The following LIMA1 variants were observed in gnomAD, a reference collection of about 807,000 sequenced individuals.
LIMA1 encodes the protein LIM domain and actin-binding protein 1.
In LIMA1, 52 loss-of-function variants were observed where a neutral mutation model predicts 62.6. The ratio of observed to expected loss-of-function variants is 0.83; its 90% CI spans 0.67 to 1.05. The LOEUF is 1.05. Among genes scored for constraint, LIMA1 ranks in the 50% least tolerant of loss-of-function variants. LIMA1 has a pLI of 0.00. For missense variants in LIMA1, 780 were observed against 902.2 expected (o/e 0.86, Z 1.74); for synonymous variants, 302 against 317.8 (o/e 0.95, Z 0.53).
chr12:50,278,101 C>T (rs1490638828), intron 1 of LIMA1, among the ~76,000 whole-genome samples: 2 of 151,932 alleles, frequency 1.3e-5, no homozygotes, highest in East Asian at 3.9e-4. Flanking sequence ...CAGGGTGAAA[C>T]CCTGTCTCTA....
At chr12:50,182,139 G>C (rs756456252) in intron 9 of LIMA1, 102 bp from the exon 10 acceptor site, 131 of 1,287,254 alleles carry the variant, frequency 1.0e-4, no homozygotes, top group Non-Finnish European at 1.4e-4. Flanking sequence ...CCCTTAGCTG[G>C]TCAGTCAATT....
At chr12:50,242,180 G>A (rs921971339) in intron 2 of LIMA1, among the ~76,000 whole-genome samples, 1 of 151,342 alleles carries the variant, frequency 6.6e-6, no homozygotes, top group Non-Finnish European at 1.5e-5. Context: ...GGAATGCTGA[G>A]CCAAAAAGGG....
At chr12:50,277,445 T>C (rs1216971326) in intron 1 of LIMA1, among the ~76,000 whole-genome samples, 1 of 152,132 alleles carries the variant, frequency 6.6e-6, no homozygotes, top group African/African-American at 2.4e-5. Context: ...TTCCAGAATG[T>C]CTAGTGAACA....
chr12:50,239,835 A>G (rs1035473068), intron 2 of LIMA1, among the ~76,000 whole-genome samples: 1 of 151,610 alleles, frequency 6.6e-6, no homozygotes, highest in African/African-American at 2.4e-5. Context: ...ATCTCTTAAA[A>G]AAAAAATAAC....
At chr12:50,194,980 G>A (rs1940897230) in intron 8 of LIMA1, among the ~76,000 whole-genome samples, 2 of 152,006 alleles carry the variant, frequency 1.3e-5, no homozygotes, top group South Asian at 4.2e-4. Context: ...CCTGGGAGGG[G>A]GAGGTTACAG....
At chr12:50,269,921 A>AT (rs1491367993) in intron 1 of LIMA1, among the ~76,000 whole-genome samples, 19 of 130,014 alleles carry the variant, frequency 1.5e-4, no homozygotes, top group African/African-American at 4.8e-4. Flanking sequence ...ACTCCGTCAA[A>AT]TAAAAAAAAA....
At chr12:50,216,000 G>A (rs1448726382) in intron 4 of LIMA1, among the ~76,000 whole-genome samples, 3 of 151,178 alleles carry the variant, frequency 2.0e-5, no homozygotes, top group South Asian at 2.1e-4. Context: ...CTGAGATGGT[G>A]CCACTGCACT....
intron 9 of LIMA1, among the ~76,000 whole-genome samples, chr12:50,184,992 C>T (rs941456305): frequency 4.6e-5 from 7 of 152,012 alleles, no homozygotes; most frequent in East Asian, 3.9e-4. Flanking sequence ...CCACCACACT[C>T]GGCTAATTTT....
At chr12:50,214,412 A>C (rs1941308931) in intron 4 of LIMA1, among the ~76,000 whole-genome samples, 2 of 152,260 alleles carry the variant, frequency 1.3e-5, no homozygotes, top group African/African-American at 4.8e-5. Context: ...CAAATTAAAG[A>C]TATACTCCCC....
intron 3 of LIMA1, among the ~76,000 whole-genome samples, chr12:50,228,302 C>T (rs556467086): frequency 3.3e-5 from 5 of 152,250 alleles, no homozygotes; most frequent in African/African-American, 1.2e-4. Context: ...TGTCTATACT[C>T]GTGGGGTCAA....
intron 8 of LIMA1, among the ~76,000 whole-genome samples, chr12:50,193,582 C>CATACATATATATCATAT (rs1565833273): frequency 1.0e-5 from 1 of 98,292 alleles, no homozygotes; most frequent in African/African-American, 4.3e-5. Flanking sequence ...TATATATATA[C>CATACATATATATCATAT]ATGTATATAT....
rs565878967 is a variant in LIMA1, at chr12:50,176,933, C to A, written c.*131G>T. Reference sequence around the variant, plus strand: ...TTGTTTTTGATTTTAAGAAGGAATTCTTTTCCAAAGTTACTTCCAAGTAAA... The same window carrying A: ...TTGTTTTTGATTTTAAGAAGGAATTATTTTCCAAAGTTACTTCCAAGTAAA... On this transcript the variant is annotated 3_prime_UTR_variant, in exon 11 of 11. Coordinates refer to ENST00000341247, the MANE Select transcript of LIMA1 (RefSeq NM_016357.5). The A allele has an allele frequency of 4.8e-5, 34 of 705,680 alleles. No individual in the cohort carries two copies. In the African/African-American group the frequency reaches 4.9e-4, roughly 10 times the overall value. The allele number at this position is 705,680 out of a possible 1,614,324, so 43.7% of individuals were successfully genotyped here.
chr12:50,258,714 C>A (rs1434145461), intron 1 of LIMA1, among the ~76,000 whole-genome samples: 1 of 134,282 alleles, frequency 7.4e-6, no homozygotes, highest in African/African-American at 2.9e-5. Flanking sequence ...GTGGTGCGAT[C>A]TCGGCTCACT....
chr12:50,272,007 G>C (rs564685389), intron 1 of LIMA1, among the ~76,000 whole-genome samples: 37 of 152,188 alleles, frequency 2.4e-4, no homozygotes, highest in African/African-American at 8.9e-4. Flanking sequence ...TTTTAGGAAG[G>C]CTCCTTCTGT....
At position 50,203,615 on chromosome 12, in the gene LIMA1, G is replaced by A. The variant is rs567431065; in HGVS notation, c.864+937C>T. On this transcript the variant is annotated intron_variant, in intron 6 of 10. Coordinates refer to ENST00000341247, the MANE Select transcript of LIMA1 (RefSeq NM_016357.5). ...TTTAGTAGAGATGGGGTTTCACCAC[G>A]TTAGCCAAGCTGGTCTTGAACTCCT... 1.8e-4 allele frequency among the ~76,000 whole-genome samples: 27 copies of A among 152,000 alleles called. No homozygotes were observed. The South Asian group carries it at 3.7e-3, about 21-fold the overall frequency.
chr12:50,229,390 C>T (rs6580730), intron 3 of LIMA1, among the ~76,000 whole-genome samples: 56,061 of 151,924 alleles, frequency 0.37, 11,032 homozygotes, highest in African/African-American at 0.49. Context: ...ATGTCCTTTG[C>T]AGGGACATGG....
chr12:50,257,332 C>T (rs1484565890), intron 1 of LIMA1, among the ~76,000 whole-genome samples: 2 of 152,066 alleles, frequency 1.3e-5, no homozygotes, highest in Non-Finnish European at 2.9e-5. Flanking sequence ...TTCCTGAGCT[C>T]AGATGATGTT....
chr12:50,181,704 A>G (rs1035078169), intron 10 of LIMA1, among the ~76,000 whole-genome samples, 200 bp downstream of exon 10: 2 of 152,234 alleles, frequency 1.3e-5, no homozygotes, highest in Admixed American at 6.5e-5. Flanking sequence ...GTAAATTAAC[A>G]TATCAATACA....
At chr12:50,217,905 CTTT>C (rs34408114) in intron 4 of LIMA1, 111 of 124,768 alleles carry the variant, frequency 8.9e-4, no homozygotes, top group South Asian at 2.5e-3. Flanking sequence ...AATTTCTTTT[CTTT>C]TTTTTTTTTT....
Sources: allele counts gnomAD v4.1 joint callset (sites outside exome capture counted in the v4.1 genomes callset), GRCh38; gene constraint gnomAD v4.1.1; transcripts MANE v1.5; gene names NCBI Gene and HGNC (gene_info 2026-07-23, HGNC 2026-07-21).